Variants in NOL4L observed in about 807,000 individuals in gnomAD.
The protein encoded by NOL4L is nucleolar protein 4-like.
Under a neutral mutation model 64.5 loss-of-function variants are expected in NOL4L, and 7 were observed. The ratio of observed to expected loss-of-function variants is 0.11; its 90% CI spans 0.06 to 0.20. The LOEUF (loss-of-function observed/expected upper bound fraction) is 0.20. Among genes scored for constraint, NOL4L ranks in the 10% least tolerant of loss-of-function variants. The probability of loss-of-function intolerance (pLI) is 1.00; values close to 1 mark genes in which losing one functional copy is unlikely to be tolerated. For synonymous variants in NOL4L, 413 were observed against 401.0 expected, an observed-to-expected ratio of 1.03 and a Z score of -0.36; for missense variants, 680 against 967.1, an observed-to-expected ratio of 0.70 and a Z score of 3.94.
At chr20:32,518,122 C>T (rs1369846877) in intron 3 of NOL4L, among the ~76,000 whole-genome samples, 8 of 152,324 alleles carry the variant, frequency 5.3e-5, no homozygotes, top group Middle Eastern at 3.4e-3. Context: ...GAGCCACTTC[C>T]CCGGGCTCCT....
chr20:32,583,996 G>A (rs1221270740), intron 1 of NOL4L, among the ~76,000 whole-genome samples: 9 of 147,118 alleles, frequency 6.1e-5, no homozygotes, highest in Admixed American at 2.7e-4. Flanking sequence ...CCCCGGGCCA[G>A]CCCCGGGTGG....
intron 4 of NOL4L, among the ~76,000 whole-genome samples, chr20:32,504,140 G>T (rs189655668): frequency 1.3e-5 from 2 of 151,262 alleles, no homozygotes; most frequent in South Asian, 4.2e-4. Context: ...TGGTTTCTTC[G>T]TTTAGTCCCC....
intron 5 of NOL4L, among the ~76,000 whole-genome samples, chr20:32,469,531 C>A (rs1016075892): frequency 1.3e-5 from 2 of 152,016 alleles, no homozygotes; most frequent in African/African-American, 2.4e-5. Flanking sequence ...GCCACCACAC[C>A]CAGCTAATTT....
intron 4 of NOL4L, among the ~76,000 whole-genome samples, chr20:32,493,400 G>A (rs1428964774): frequency 6.6e-6 from 1 of 152,174 alleles, no homozygotes; most frequent in East Asian, 1.9e-4. Context: ...CCTTTCTGGG[G>A]CTGAATCTAG....
At chr20:32,500,538 C>CTAGAGACATGGT (rs2016881361) in intron 4 of NOL4L, among the ~76,000 whole-genome samples, 1 of 129,566 alleles carries the variant, frequency 7.7e-6, no homozygotes, top group Non-Finnish European at 1.7e-5. Flanking sequence ...GTATTTCTTT[C>CTAGAGACATGGT]TTTTTTTTTT....
chr20:32,485,818 G>A (rs777343409), intron 4 of NOL4L: 5 of 468,418 alleles, frequency 1.1e-5, no homozygotes, highest in Non-Finnish European at 2.2e-5. Context: ...CACATTTTCA[G>A]AGACCTTTGA....
Position 32,447,568 on chromosome 20 carries a change from G to T in NOL4L, c.*28C>A. 1.9e-6 allele frequency: 3 copies of T among 1,573,558 alleles called. No individual in the cohort carries two copies. Among genetic ancestry groups the T allele is most frequent in the Non-Finnish European group, 2.6e-6 (3 of 1,164,552 alleles). Reference sequence around the variant, plus strand: ...CAGGCTGGGACAGCCTCCTTCCCTAGGGCAGTGCGCTCCAGGTGCCGGTGG... The same window carrying T: ...CAGGCTGGGACAGCCTCCTTCCCTATGGCAGTGCGCTCCAGGTGCCGGTGG... On this transcript the variant is annotated 3_prime_UTR_variant, in exon 11 of 11. Coordinates refer to ENST00000621426, the MANE Select transcript of NOL4L (RefSeq NM_001256798.2).
chr20:32,534,302 G>T (rs962235680), intron 1 of NOL4L, among the ~76,000 whole-genome samples: 1 of 152,186 alleles, frequency 6.6e-6, no homozygotes, highest in African/African-American at 2.4e-5. Context: ...AAATCAACGA[G>T]ATTGCTATTG....
chr20:32,468,136 G>A (rs957972695), intron 5 of NOL4L, among the ~76,000 whole-genome samples: 4 of 152,162 alleles, frequency 2.6e-5, no homozygotes, highest in Admixed American at 1.3e-4. Context: ...TTGGGGGATC[G>A]GCTAGCTCAA....
At chr20:32,565,106 G>A (rs1374667062) in intron 1 of NOL4L, 1 of 152,424 alleles carries the variant, frequency 6.6e-6, no homozygotes, top group Non-Finnish European at 1.5e-5. Context: ...CCCTCACAGA[G>A]CTGTCCTGAG....
At chr20:32,553,579 T>C (rs1347311327) in intron 1 of NOL4L, among the ~76,000 whole-genome samples, 1 of 152,180 alleles carries the variant, frequency 6.6e-6, no homozygotes, top group Admixed American at 6.5e-5. Flanking sequence ...TTTTTCTATA[T>C]ATTTAACATT....
chr20:32,488,809 CTTT>C (rs2016273702), intron 4 of NOL4L, among the ~76,000 whole-genome samples: 25 of 25,652 alleles, frequency 9.7e-4, no homozygotes, highest in East Asian at 9.1e-3. Flanking sequence ...CTTTCTTTTT[CTTT>C]CTTTCTTTCT....
At chr20:32,457,330 G>C (rs932417426) in intron 5 of NOL4L, among the ~76,000 whole-genome samples, 16 of 152,332 alleles carry the variant, frequency 1.1e-4, no homozygotes, top group African/African-American at 3.8e-4. Flanking sequence ...TGTCAGGTGA[G>C]CACCCGCGAG....
rs547004483 is a variant in NOL4L, at chr20:32,543,108, C to T, written c.322-15195G>A. On this transcript the variant is annotated intron_variant, in intron 1 of 10. Coordinates refer to ENST00000621426, the MANE Select transcript of NOL4L (RefSeq NM_001256798.2). ...GAATAAAGCTCGCGGGAAGCCACCA[C>T]GGAGCTCAGCTGGCTCTGCCATCAG... 9.2e-5 allele frequency among the ~76,000 whole-genome samples: 14 copies of T among 152,246 alleles called. No individual in the cohort carries two copies. In the East Asian group the frequency reaches 1.7e-3, roughly 19 times the overall value.
chr20:32,565,227 C>G (rs1217962529), intron 1 of NOL4L, among the ~76,000 whole-genome samples: 1 of 152,198 alleles, frequency 6.6e-6, no homozygotes, highest in Non-Finnish European at 1.5e-5. Flanking sequence ...GGCCAGACAC[C>G]GGATGGACAC....
intron 2 of NOL4L, among the ~76,000 whole-genome samples, chr20:32,524,003 A>T (rs1024035614): frequency 1.3e-5 from 2 of 152,188 alleles, no homozygotes; most frequent in African/African-American, 4.8e-5. Flanking sequence ...GTGGGCCTGG[A>T]GCAGCTGCTG....
intron 4 of NOL4L, among the ~76,000 whole-genome samples, chr20:32,483,995 T>G (rs1402341642): frequency 6.7e-6 from 1 of 148,884 alleles, no homozygotes; most frequent in Non-Finnish European, 1.5e-5. Flanking sequence ...CTGGGATCTG[T>G]GCCTACCCAT....
intron 3 of NOL4L, among the ~76,000 whole-genome samples, chr20:32,515,424 A>G (rs2017609226): frequency 6.6e-6 from 1 of 152,102 alleles, no homozygotes; most frequent in Admixed American, 6.5e-5. Context: ...CCATGGAGCC[A>G]TGGGTGGGAG....
intron 2 of NOL4L, among the ~76,000 whole-genome samples, chr20:32,527,136 G>T (rs1443103768): frequency 6.6e-6 from 1 of 152,160 alleles, no homozygotes; most frequent in Non-Finnish European, 1.5e-5. Context: ...TGTGCTAAAT[G>T]CCCCTGAGCC....
Sources: allele counts gnomAD v4.1 joint callset (sites outside exome capture counted in the v4.1 genomes callset), GRCh38; gene constraint gnomAD v4.1.1; transcripts MANE v1.5; gene names NCBI Gene and HGNC (gene_info 2026-07-23, HGNC 2026-07-21).